Variants in ATP8B1 observed in about 807,000 individuals in gnomAD.
The protein encoded by ATP8B1 is phospholipid-transporting ATPase IC.
A neutral mutation model predicts 149.9 loss-of-function variants in ATP8B1; 80 were observed. The observed-to-expected ratio is 0.53, with a 90% CI of 0.45 to 0.64. The LOEUF (loss-of-function observed/expected upper bound fraction) is 0.64, where lower values mean the gene tolerates loss of function less well. Among genes scored for constraint, ATP8B1 ranks in the 30% least tolerant of loss-of-function variants. The pLI, the probability that ATP8B1 is intolerant of heterozygous loss-of-function variation, is 0.00. For missense variants in ATP8B1, 1,247 were observed against 1,552.6 expected, an observed-to-expected ratio of 0.80 and a Z score of 3.31; for synonymous variants, 536 against 562.8, an observed-to-expected ratio of 0.95 and a Z score of 0.67.
In ATP8B1 at chr18:57,711,532, C is replaced by T. The variant is rs552554128; in HGVS notation, c.182-4945G>A. ...GAAGCAAGTTTGCAAGCATTCTTTG[C>T]GCATACAAACGTGTATCTCTCTGGA... On this transcript the variant is annotated intron_variant, in intron 2 of 27. Coordinates refer to ENST00000648908, the MANE Select transcript of ATP8B1 (RefSeq NM_001374385.1). Among the ~76,000 whole-genome samples the T allele has an allele frequency of 5.1e-4, 78 of 152,274 alleles. 1 individual carries two copies. Among genetic ancestry groups the T allele is most frequent in the African/African-American group, 1.7e-3 (69 of 41,552 alleles).
At chr18:57,707,379 T>G (rs987942557) in intron 2 of ATP8B1, among the ~76,000 whole-genome samples, 1 of 152,122 alleles carries the variant, frequency 6.6e-6, no homozygotes, top group African/African-American at 2.4e-5. Context: ...GCATGCTGGA[T>G]GAAGCTCCCT....
At chr18:57,689,036 AT>A (rs1270603826) in intron 12 of ATP8B1, among the ~76,000 whole-genome samples, 1 of 152,154 alleles carries the variant, frequency 6.6e-6, no homozygotes, top group Non-Finnish European at 1.5e-5. Context: ...GGTCAAGCTG[AT>A]TTTAGACAAG....
At chr18:57,683,329 CT>C (rs1240520082) in intron 15 of ATP8B1, among the ~76,000 whole-genome samples, 1 of 152,158 alleles carries the variant, frequency 6.6e-6, no homozygotes, top group Non-Finnish European at 1.5e-5. Context: ...AAAAGAACTC[CT>C]TTTGCTCTTT....
At position 57,654,074 on chromosome 18, in the gene ATP8B1, G is replaced by A; in HGVS notation, c.2933C>T (p.Thr978Ile). 11 of 1,613,056 alleles carry A rather than the reference G, an allele frequency of 6.8e-6. No homozygotes were observed. Among genetic ancestry groups the A allele is most frequent in the Non-Finnish European group, 9.3e-6 (11 of 1,179,128 alleles). ...GGTGATGAACCAATCCTCGTATGCAGTCTGTGAGGGGATGACAGAGGCTCC... is the reference window on the plus strand; with the variant it reads ...GGTGATGAACCAATCCTCGTATGCAATCTGTGAGGGGATGACAGAGGCTCC... ...YSFFNGYSAQ[T>I]AYEDWFITLY... is the part of the protein sequence containing the mutation. Residue 978 changes from threonine (T) to isoleucine (I), a missense_variant and splice_region_variant, in exon 24 of 28, where the codon ACT becomes ATT. Transcript: ENST00000648908.
chr18:57,649,249 T>G (rs890790862), intron 27 of ATP8B1, among the ~76,000 whole-genome samples: 62 of 126,966 alleles, frequency 4.9e-4, no homozygotes, highest in African/African-American at 1.6e-3. Flanking sequence ...ATGATATAAA[T>G]CTATATCCAT....
intron 15 of ATP8B1, among the ~76,000 whole-genome samples, chr18:57,679,839 A>G (rs1435235047): frequency 1.3e-5 from 2 of 152,018 alleles, no homozygotes; most frequent in African/African-American, 4.8e-5. Flanking sequence ...TAATTTTTGT[A>G]TGTTTAGTAG....
rs1912368885 is a variant in ATP8B1, at chr18:57,688,444, A to T, written c.1284T>A (p.Ala428=). The T allele has an allele frequency of 6.2e-7, 1 of 1,614,194 alleles. No individual in the cohort carries two copies. Among genetic ancestry groups the T allele is most frequent in the East Asian group, 2.2e-5 (1 of 44,886 alleles). The change falls in exon 13 of 28, where the codon GCT becomes GCA. Residue 428 remains alanine, a synonymous_variant. Coordinates refer to ENST00000648908, the MANE Select transcript of ATP8B1 (RefSeq NM_001374385.1). ...TAGCTTTTGCGGGTGTGTCCTTCTC[A>T]GCATAGTACATTTGCAGGTCCCAGT... The part of the protein sequence containing the change: ...FINWDLQMYY[A]EKDTPAKART...
rs1281652252 is a variant in ATP8B1 at position 57,800,321 on chromosome 18, C to T, written c.-26+2677G>A. On this transcript the variant is annotated intron_variant, in intron 1 of 27. Coordinates refer to ENST00000648908, the MANE Select transcript of ATP8B1 (RefSeq NM_001374385.1). The stretch of plus-strand genomic sequence containing the variant: ...ATCAGCCTGGGCAACATAACAAGGC[C>T]CTGTCTCTATGTATTTTATTTATAA... 2.0e-5 allele frequency among the ~76,000 whole-genome samples: 3 copies of T among 152,192 alleles called. No homozygotes were observed. The East Asian group carries it at 5.8e-4, about 29-fold the overall frequency.
chr18:57,689,199 C>T (rs1022234671), intron 12 of ATP8B1, among the ~76,000 whole-genome samples: 6 of 152,102 alleles, frequency 3.9e-5, no homozygotes, highest in Non-Finnish European at 8.8e-5. Context: ...TTGACTCTTC[C>T]CCCATTCCCC....
intron 4 of ATP8B1, among the ~76,000 whole-genome samples, chr18:57,702,390 T>C (rs1913170035): frequency 6.6e-6 from 1 of 152,218 alleles, no homozygotes; most frequent in Admixed American, 6.5e-5. Flanking sequence ...ATTTATGGCT[T>C]ATGGGACTTT....
intron 1 of ATP8B1, among the ~76,000 whole-genome samples, chr18:57,787,823 G>A (rs1414920320): frequency 6.6e-6 from 1 of 152,094 alleles, no homozygotes; most frequent in Non-Finnish European, 1.5e-5. Flanking sequence ...AAAATAAATA[G>A]GCCTCATTTA....
intron 1 of ATP8B1, among the ~76,000 whole-genome samples, chr18:57,748,217 G>A (rs191068168): frequency 1.3e-5 from 2 of 152,106 alleles, no homozygotes; most frequent in Non-Finnish European, 2.9e-5. Context: ...CTATGTATTC[G>A]CATTAGCTTA....
At chr18:57,650,890 A>G (rs991792835) in intron 26 of ATP8B1, among the ~76,000 whole-genome samples, 2 of 152,238 alleles carry the variant, frequency 1.3e-5, no homozygotes, top group Non-Finnish European at 2.9e-5. Flanking sequence ...CATAATCTAT[A>G]AATAGATCAT....
At position 57,802,889 on chromosome 18, in the gene ATP8B1, A is replaced by T. The variant is rs1234342099; in HGVS notation, c.-26+109T>A. 1 of 152,250 alleles carries T rather than the reference A, an allele frequency of 6.6e-6. No individual in the cohort carries two copies. The highest frequency in any genetic ancestry group is 2.4e-5 in the African/African-American group (1 of 41,428). The allele number at this position is 152,250 out of a possible 1,614,324, so 9.4% of individuals were successfully genotyped here. A position where few individuals can be genotyped will look rare whatever the true frequency, so the allele number is the denominator to read the frequency against. ...GGGCGCTGACAGCTGCTGCCGCCGC[A>T]TCCCGGATCTCCAAAGTGCGGCGGG... On this transcript the variant is annotated intron_variant, in intron 1 of 27. Coordinates refer to ENST00000648908, the MANE Select transcript of ATP8B1 (RefSeq NM_001374385.1). The surrounding 1 kb of genome is among the most constrained non-coding windows in gnomAD (Gnocchi z 4.9).
intron 20 of ATP8B1, among the ~76,000 whole-genome samples, chr18:57,666,783 G>C (rs189383263): frequency 6.6e-6 from 1 of 152,046 alleles, no homozygotes; most frequent in East Asian, 1.9e-4. Context: ...TGATCCACCC[G>C]CCTCGGCCTC....
At chr18:57,748,547 T>C (rs1223274515) in intron 1 of ATP8B1, among the ~76,000 whole-genome samples, 1 of 152,212 alleles carries the variant, frequency 6.6e-6, no homozygotes, top group Non-Finnish European at 1.5e-5. Context: ...CTAACTAATA[T>C]ATGGCTTGAA....
At chr18:57,801,758 T>C (rs899574816) in intron 1 of ATP8B1, among the ~76,000 whole-genome samples, 23 of 152,108 alleles carry the variant, frequency 1.5e-4, no homozygotes, top group African/African-American at 5.3e-4. Flanking sequence ...GTGGCAAAAT[T>C]TTGAAGGCAA....
intron 1 of ATP8B1, among the ~76,000 whole-genome samples, chr18:57,795,023 C>G (rs1273416185): frequency 6.6e-6 from 1 of 151,974 alleles, no homozygotes; most frequent in African/African-American, 2.4e-5. Context: ...TACATTTTAC[C>G]AAACTGAATA....
At chr18:57,680,591 A>G (rs1381911196) in intron 15 of ATP8B1, among the ~76,000 whole-genome samples, 10 of 114,452 alleles carry the variant, frequency 8.7e-5, no homozygotes, top group Admixed American at 7.1e-4. Context: ...TCTCAAAAAC[A>G]AAACAAAACA....
Sources: allele counts gnomAD v4.1 joint callset (sites outside exome capture counted in the v4.1 genomes callset), GRCh38; gene constraint gnomAD v4.1.1; non-coding constraint Gnocchi (gnomAD v3.1); transcripts MANE v1.5; gene names NCBI Gene and HGNC (gene_info 2026-07-23, HGNC 2026-07-21).